The following KCNB2 variants were observed in gnomAD, a reference collection of about 807,000 sequenced individuals.
The protein encoded by KCNB2 is delayed rectifier potassium channel protein.
KCNB2 carries 15 observed loss-of-function variants against 61.5 expected under a neutral mutation model. The ratio of observed to expected loss-of-function variants is 0.24; its 90% CI spans 0.16 to 0.38. The LOEUF (loss-of-function observed/expected upper bound fraction) is 0.38. Among genes scored for constraint, KCNB2 ranks in the 10% least tolerant of loss-of-function variants. KCNB2 has a pLI of 1.00. For synonymous variants in KCNB2, 457 were observed against 446.0 expected, an observed-to-expected ratio of 1.02 and a Z score of -0.31; for missense variants, 828 against 1,125.2, an observed-to-expected ratio of 0.74 and a Z score of 3.78.
intron 2 of KCNB2, among the ~76,000 whole-genome samples, chr8:72,909,916 A>G (rs1345991023): frequency 6.6e-6 from 1 of 152,182 alleles, no homozygotes; most frequent in Admixed American, 6.5e-5. Flanking sequence ...TGTTTGAGTG[A>G]AAAGTACCCA....
At chr8:72,598,181 C>G (rs113145661) in intron 2 of KCNB2, among the ~76,000 whole-genome samples, 1,855 of 151,442 alleles carry the variant, frequency 0.012, 19 homozygotes, top group Non-Finnish European at 0.017. Context: ...CCTTGATGAA[C>G]ATTGATGCAA....
At chr8:72,624,605 A>G (rs1805761219) in intron 2 of KCNB2, among the ~76,000 whole-genome samples, 1 of 152,136 alleles carries the variant, frequency 6.6e-6, no homozygotes, top group African/African-American at 2.4e-5. Context: ...GATTAACCCT[A>G]CCTGATCACA....
intron 2 of KCNB2, among the ~76,000 whole-genome samples, chr8:72,839,865 C>G (rs1460146646): frequency 9.9e-5 from 15 of 151,242 alleles, no homozygotes; most frequent in African/African-American, 1.9e-4. Context: ...CACCCGCCTC[C>G]GCCTCCCAAA....
chr8:72,842,317 G>C (rs1021209121), intron 2 of KCNB2, among the ~76,000 whole-genome samples: 2 of 152,168 alleles, frequency 1.3e-5, no homozygotes, highest in Non-Finnish European at 2.9e-5. Flanking sequence ...TTTTTGATGT[G>C]CTATTGGATT....
intron 2 of KCNB2, among the ~76,000 whole-genome samples, chr8:72,705,237 G>T (rs1807202091): frequency 6.6e-6 from 1 of 152,166 alleles, no homozygotes; most frequent in South Asian, 2.1e-4. Flanking sequence ...GGGTGATTTG[G>T]CTGAAGATTT....
intron 2 of KCNB2, among the ~76,000 whole-genome samples, chr8:72,641,963 A>G (rs978101247): frequency 3.3e-5 from 5 of 152,182 alleles, no homozygotes; most frequent in African/African-American, 1.2e-4. Context: ...TATTCAGTGA[A>G]TTGTCAACTA....
chr8:72,552,446 AAATTT>A, intron 1 of KCNB2, among the ~76,000 whole-genome samples: 1 of 152,308 alleles, frequency 6.6e-6, no homozygotes, highest in African/African-American at 2.4e-5. Context: ...GTTGAATTTT[AAATTT>A]ATGTGATTTA....
At chr8:72,844,946 G>A (rs7011625) in intron 2 of KCNB2, among the ~76,000 whole-genome samples, 49,697 of 152,054 alleles carry the variant, frequency 0.33, 8,433 homozygotes, top group Middle Eastern at 0.41. Context: ...CTGTCAACTC[G>A]TCAAACTCAT....
At chr8:72,557,884 C>T (rs1200477791) in intron 1 of KCNB2, among the ~76,000 whole-genome samples, 1 of 152,186 alleles carries the variant, frequency 6.6e-6, no homozygotes, top group Admixed American at 6.5e-5. Flanking sequence ...AAATCCAGCT[C>T]TTACTTTTAA....
chr8:72,553,647 A>G (rs1013646389), intron 1 of KCNB2, among the ~76,000 whole-genome samples: 5 of 152,128 alleles, frequency 3.3e-5, no homozygotes, highest in Non-Finnish European at 7.4e-5. Flanking sequence ...TTATGGAAAG[A>G]GTGCACATAG....
intron 2 of KCNB2, among the ~76,000 whole-genome samples, chr8:72,595,328 C>CTTT (rs774432625): frequency 7.2e-6 from 1 of 138,560 alleles, no homozygotes; most frequent in Non-Finnish European, 1.6e-5. Flanking sequence ...TTTTTTCTTT[C>CTTT]TTTTTTTTTT....
intron 2 of KCNB2, among the ~76,000 whole-genome samples, chr8:72,836,852 A>T (rs1171844851): frequency 6.6e-6 from 1 of 152,202 alleles, no homozygotes; most frequent in Admixed American, 6.5e-5. Context: ...TGAAACTGCA[A>T]TGAGCCATGT....
chr8:72,725,964 T>C (rs1807643053), intron 2 of KCNB2, among the ~76,000 whole-genome samples: 2 of 152,166 alleles, frequency 1.3e-5, no homozygotes, highest in Admixed American at 1.3e-4. Context: ...TTTGCAAAGA[T>C]ATGTGATAAG....
At chr8:72,646,207 C>T (rs2128986059) in intron 2 of KCNB2, among the ~76,000 whole-genome samples, 1 of 151,854 alleles carries the variant, frequency 6.6e-6, no homozygotes, top group South Asian at 2.1e-4. Flanking sequence ...TATATAATAT[C>T]TTCAAATATA....
chr8:72,768,329 A>G (rs1349823262), intron 2 of KCNB2, among the ~76,000 whole-genome samples: 2 of 151,698 alleles, frequency 1.3e-5, no homozygotes, highest in Non-Finnish European at 2.9e-5. Flanking sequence ...ATGCACCACC[A>G]TTGCCCAGCT....
chr8:72,634,825 G>A (rs957606294), intron 2 of KCNB2, among the ~76,000 whole-genome samples: 1 of 152,154 alleles, frequency 6.6e-6, no homozygotes, highest in Non-Finnish European at 1.5e-5. Flanking sequence ...AGTATAGTTG[G>A]AGAGTGAGAC....
intron 2 of KCNB2, among the ~76,000 whole-genome samples, chr8:72,796,143 T>C (rs1332112242): frequency 1.3e-5 from 2 of 152,304 alleles, no homozygotes; most frequent in East Asian, 3.9e-4. Context: ...TGACCCATGA[T>C]CTCTTGTATC....
chr8:72,934,290 C>T (rs947721096), intron 2 of KCNB2, among the ~76,000 whole-genome samples: 4 of 150,346 alleles, frequency 2.7e-5, no homozygotes, highest in Non-Finnish European at 5.9e-5. Context: ...CAGAGGATCA[C>T]TTGAGCCTGG....
intron 2 of KCNB2, among the ~76,000 whole-genome samples, chr8:72,682,070 A>T (rs1806766368): frequency 6.6e-6 from 1 of 152,208 alleles, no homozygotes; most frequent in South Asian, 2.1e-4. Context: ...TGTTTTCTAG[A>T]CATGTATGTT....
Sources: gnomAD v4.1 joint callset for allele counts (sites outside exome capture counted in the v4.1 genomes callset) on GRCh38, gnomAD v4.1.1 for gene constraint, MANE v1.5 for transcripts, NCBI Gene and HGNC (gene_info 2026-07-23, HGNC 2026-07-21) for gene names.